Variants in DPPA4 observed in about 807,000 individuals in gnomAD.
The protein encoded by DPPA4 is developmental pluripotency associated 4, also known as developmental pluripotency-associated protein 4.
In DPPA4, 22 loss-of-function variants were observed where a neutral mutation model predicts 33.7. The ratio of observed to expected loss-of-function variants is 0.65; its 90% CI spans 0.47 to 0.93. The LOEUF (loss-of-function observed/expected upper bound fraction) is 0.93, where lower values mean the gene tolerates loss of function less well. Ranked by LOEUF, DPPA4 falls within the 40% of genes least tolerant of loss-of-function variation. The pLI is 0.00. For missense variants in DPPA4, 340 were observed against 358.6 expected (o/e 0.95, Z 0.42); for synonymous variants, 156 against 132.3 (o/e 1.18, Z -1.23).
chr3:109,339,154 G>A (rs1027642193), upstream of DPPA4, among the ~76,000 whole-genome samples: 6 of 138,580 alleles, frequency 4.3e-5, no homozygotes, highest in Non-Finnish European at 8.8e-5. Context: ...TCGTGCCATT[G>A]CACTCCAGCC....
chr3:109,333,865 CTTACCT>C lies in DPPA4; in HGVS notation c.177_178+4del, dbSNP rs1708137664. 6.2e-7 allele frequency: 1 copy of C among 1,613,606 alleles called. No homozygotes were observed. ...GTGGGATTTGAGAATTTGAAGACCTCTTACCTTTACTGCCTTTGATAGACATTTTTT... is the reference window on the plus strand; with the variant it reads ...GTGGGATTTGAGAATTTGAAGACCTCTTACTGCCTTTGATAGACATTTTTT... On this transcript the variant is annotated splice_donor_variant and splice_donor_region_variant and coding_sequence_variant and intron_variant, in exon 2 of 7. Coordinates refer to ENST00000335658, the MANE Select transcript of DPPA4 (RefSeq NM_018189.4). LOFTEE classifies it high-confidence loss of function.
chr3:109,333,123 T>C (rs1708116585), intron 2 of DPPA4, among the ~76,000 whole-genome samples: 1 of 152,034 alleles, frequency 6.6e-6, no homozygotes, highest in African/African-American at 2.4e-5. Context: ...AGACGATCAC[T>C]TGAGGCCAAG....
At chr3:109,339,141 A>G (rs1335624553), upstream of DPPA4, among the ~76,000 whole-genome samples, 1 of 152,090 alleles carries the variant, frequency 6.6e-6, no homozygotes, top group Non-Finnish European at 1.5e-5. Flanking sequence ...CAGTGAGTCA[A>G]GATCGTGCCA....
Position 109,328,952 on chromosome 3 carries a change from A to G in DPPA4, c.816T>C (p.Pro272=). ...EGRVSALFLL[P]ASNFPPPHLE... ...GGTGCGGGGGTGGAAAATTGGAGGCAGGAAGCAAGAAGAGTGCACTCACTC... is the reference window on the plus strand; with the variant it reads ...GGTGCGGGGGTGGAAAATTGGAGGCGGGAAGCAAGAAGAGTGCACTCACTC... Residue 272 remains proline, a synonymous_variant, in exon 6 of 7, where the codon CCT becomes CCC. Transcript: ENST00000335658. 2 of 1,614,104 alleles carry G rather than the reference A, an allele frequency of 1.2e-6. No individual in the cohort carries two copies. Among genetic ancestry groups the G allele is most frequent in the Non-Finnish European group, 1.7e-6 (2 of 1,180,022 alleles).
At chr3:109,332,767 C>T (rs1009815779) in intron 2 of DPPA4, among the ~76,000 whole-genome samples, 1 of 152,194 alleles carries the variant, frequency 6.6e-6, no homozygotes, top group Admixed American at 6.5e-5. Flanking sequence ...GTTCATCCCG[C>T]TTCTGCACCT....
At chr3:109,335,308 A>G (rs1708168664) in intron 1 of DPPA4, among the ~76,000 whole-genome samples, 2 of 152,022 alleles carry the variant, frequency 1.3e-5, no homozygotes, top group African/African-American at 4.8e-5. Context: ...AATTTTTTGT[A>G]GAGGTGAGGT....
rs1708085525 is a variant in DPPA4, at chr3:109,331,767, C to T, written c.357G>A (p.Lys119=). ...SSKGQKLDAY[K]RLCAFAYPNQ... Reference sequence around the variant, plus strand: ...TTGGGTAGGCAAAGGCACACAGGCGCTTATATGCATCCAATTTCTAAGACA... The same window carrying T: ...TTGGGTAGGCAAAGGCACACAGGCGTTTATATGCATCCAATTTCTAAGACA... The change falls in exon 4 of 7, where the codon AAG becomes AAA. Residue 119 remains lysine (K), a synonymous_variant. Coordinates refer to ENST00000335658, the MANE Select transcript of DPPA4 (RefSeq NM_018189.4). 6.2e-7 allele frequency: 1 copy of T among 1,613,998 alleles called. No individual in the cohort carries two copies. Among genetic ancestry groups the T allele is most frequent in the Admixed American group, 1.7e-5 (1 of 59,982 alleles).
In DPPA4 at chr3:109,330,673, G is replaced by T. The variant is rs752019060; in HGVS notation, c.530C>A (p.Pro177His). 2 of 1,614,198 alleles carry T rather than the reference G, an allele frequency of 1.2e-6. No homozygotes were observed. Among genetic ancestry groups the T allele is most frequent in the Non-Finnish European group, 1.7e-6 (2 of 1,180,022 alleles). Residue 177 changes from proline to histidine, a missense_variant, in exon 5 of 7, where the codon CCT (proline) becomes CAT (histidine). Physicochemically the swap from Pro to His is moderately conservative, Grantham distance 77 (BLOSUM62 -2). Transcript: ENST00000335658. ...EVALPPVGEPPALENSTALLE... is the reference protein window; with the variant it reads ...EVALPPVGEPHALENSTALLE... ...GAGAGCAGTGGAATTTTCCAGGGCA[G>T]GCGGCTCCCCCACAGGAGGAAGAGC...
intron 1 of DPPA4, among the ~76,000 whole-genome samples, chr3:109,337,081 G>A (rs1708229918): frequency 6.6e-6 from 1 of 151,834 alleles, no homozygotes; most frequent in Non-Finnish European, 1.5e-5. Context: ...TGTACTTTTA[G>A]TAGAGACGGG....
In DPPA4 at chr3:109,333,957, G is replaced by A; in HGVS notation, c.91C>T (p.Gln31Ter). The change falls in exon 2 of 7, where the codon CAG (glutamine) becomes TAG (stop). Residue 31 changes from glutamine (Q) to a stop codon, truncating the protein, a stop_gained. Coordinates refer to ENST00000335658, the MANE Select transcript of DPPA4 (RefSeq NM_018189.4). LOFTEE classifies it high-confidence loss of function. ...ATTGAATTTGGTTGATTAGAAGCCTGCTGATCCTCTTCCCTCGACTTCTCT... is the reference window on the plus strand; with the variant it reads ...ATTGAATTTGGTTGATTAGAAGCCTACTGATCCTCTTCCCTCGACTTCTCT... ...STEKSREEDQ[Q>*]ASNQPNSIAL... 1 of 1,614,106 alleles carries A rather than the reference G, an allele frequency of 6.2e-7. No individual in the cohort carries two copies. The highest frequency in any genetic ancestry group is 8.5e-7 in the Non-Finnish European group (1 of 1,180,002).
rs1172836166 is a variant in DPPA4, at chr3:109,331,580, GA to G, written c.390+153del. Among the ~76,000 whole-genome samples, 474 of 139,556 alleles carry G rather than the reference GA, an allele frequency of 3.4e-3. 2 individuals carry two copies. Among genetic ancestry groups the G allele is most frequent in the Middle Eastern group, 0.019 (5 of 264 alleles). 91.6% of individuals were successfully genotyped at this position (139,556 alleles called of 152,430 possible). Reference sequence around the variant, plus strand: ...AAAAAAAAAAAAAGAAAGAAAGAAAGAAAAAAAAGAGAAGTAGAGATGGGAA... The same window carrying G: ...AAAAAAAAAAAAAGAAAGAAAGAAAGAAAAAAAGAGAAGTAGAGATGGGAA... On this transcript the variant is annotated intron_variant, in intron 4 of 6. Coordinates refer to ENST00000335658, the MANE Select transcript of DPPA4 (RefSeq NM_018189.4).
At position 109,335,053 on chromosome 3, in the gene DPPA4, A is replaced by G. The variant is rs567311757; in HGVS notation, c.55-1060T>C. On this transcript the variant is annotated intron_variant, in intron 1 of 6. Transcript: ENST00000335658. ...ATTGAATTAAAGGAAGCAAAGTGGGAGTGGGGAAAAGTTGTTTAATCCAGA... is the reference window on the plus strand; with the variant it reads ...ATTGAATTAAAGGAAGCAAAGTGGGGGTGGGGAAAAGTTGTTTAATCCAGA... Among the ~76,000 whole-genome samples the G allele has an allele frequency of 3.9e-5, 6 of 152,342 alleles. No individual in the cohort carries two copies. In the East Asian group the frequency reaches 1.2e-3, roughly 29 times the overall value.
chr3:109,331,043 C>A (rs1012029631), intron 4 of DPPA4, among the ~76,000 whole-genome samples: 3 of 151,648 alleles, frequency 2.0e-5, no homozygotes, highest in African/African-American at 4.8e-5. Context: ...TTTGGGAGGC[C>A]AAGGTGGGTG....
rs1708087862 is a variant in DPPA4 at position 109,331,895 on chromosome 3, T to C, written c.315A>G (p.Gln105=). ...HRDILRAWCQ[Q]LKLSSKGQKL... ...CCTGGCCTTTGGAGCTCAGCTTCAA[T>C]TGTTGGCACCAGGCCCGCAGAATGT... The change falls in exon 3 of 7, where the codon CAA becomes CAG. Residue 105 remains glutamine, a synonymous_variant. Transcript: ENST00000335658. 6.2e-7 allele frequency: 1 copy of C among 1,614,100 alleles called. No homozygotes were observed. Among genetic ancestry groups the C allele is most frequent in the South Asian group, 1.1e-5 (1 of 91,080 alleles).
chr3:109,333,751 A>AT (rs1708133850), intron 2 of DPPA4, 119 bp downstream of exon 2: 12 of 1,208,936 alleles, frequency 9.9e-6, no homozygotes, highest in Non-Finnish European at 1.3e-5. Flanking sequence ...GCTTCCATGA[A>AT]GTGCAGGATT....
chr3:109,335,325 A>G (rs1708169060), intron 1 of DPPA4, among the ~76,000 whole-genome samples: 1 of 151,708 alleles, frequency 6.6e-6, no homozygotes, highest in Non-Finnish European at 1.5e-5. Flanking sequence ...AGGTCTCCCT[A>G]TGTCTCCCCC....
At chr3:109,330,955 A>G (rs933468110) in intron 4 of DPPA4, 143 bp from the exon 5 acceptor site, 12 of 827,760 alleles carry the variant, frequency 1.4e-5, no homozygotes, top group Non-Finnish European at 2.2e-5. Flanking sequence ...GTAACTATAC[A>G]TAGTTAATAA....
At position 109,326,842 on chromosome 3, in the gene DPPA4, A is replaced by C. The variant is rs1035124277; in HGVS notation, c.*1146T>G. ...CTAATAAAGAACAAACGAGTCATACAAAAGAAAAATCACACTTTTTGGTTT... is the reference window on the plus strand; with the variant it reads ...CTAATAAAGAACAAACGAGTCATACCAAAGAAAAATCACACTTTTTGGTTT... On this transcript the variant is annotated 3_prime_UTR_variant, in exon 7 of 7. Coordinates refer to ENST00000335658, the MANE Select transcript of DPPA4 (RefSeq NM_018189.4). 1 of 152,238 alleles carries C rather than the reference A, an allele frequency of 6.6e-6. No homozygotes were observed. Among genetic ancestry groups the C allele is most frequent in the Non-Finnish European group, 1.5e-5 (1 of 68,036 alleles). 9.4% of individuals were successfully genotyped at this position (152,238 alleles called of 1,614,324 possible).
intron 5 of DPPA4, 44 bp from the exon 6 acceptor site, chr3:109,329,132 T>A (rs1559707081): frequency 3.8e-6 from 6 of 1,570,336 alleles, no homozygotes; most frequent in East Asian, 2.2e-5. Flanking sequence ...CACACCAGGA[T>A]GACATACTGA....
Sources: allele counts gnomAD v4.1 joint callset (sites outside exome capture counted in the v4.1 genomes callset), GRCh38; gene constraint gnomAD v4.1.1; transcripts MANE v1.5; gene names NCBI Gene and HGNC (gene_info 2026-07-23, HGNC 2026-07-21).